LRRC42: variants seen among roughly 807,000 people sequenced by gnomAD.
The protein encoded by LRRC42 is leucine rich repeat containing 42, also known as leucine-rich repeat-containing protein 42.
In LRRC42, 43 loss-of-function variants were observed where a neutral mutation model predicts 44.3. The observed-to-expected ratio is 0.97, with a 90% CI of 0.76 to 1.25. The LOEUF (loss-of-function observed/expected upper bound fraction) is 1.25, where lower values mean the gene tolerates loss of function less well. LRRC42 is among the 50% of genes most tolerant of loss of function. The pLI is 0.00. For missense variants in LRRC42, 540 were observed against 509.1 expected (o/e 1.06, Z -0.58); for synonymous variants, 207 against 195.2 (o/e 1.06, Z -0.50).
chr1:53,951,143 G>GA (rs762817401), intron 2 of LRRC42, among the ~76,000 whole-genome samples: 4 of 152,162 alleles, frequency 2.6e-5, no homozygotes. Context: ...GAAGTGTGTG[G>GA]AATGTGTCAA....
intron 2 of LRRC42, among the ~76,000 whole-genome samples, chr1:53,948,243 C>T (rs768835496): frequency 2.6e-5 from 4 of 152,162 alleles, no homozygotes; most frequent in Non-Finnish European, 4.4e-5. Context: ...TCAAATTAGC[C>T]GTAGATTCAG....
chr1:53,966,220 AAG>A (rs1262292903), intron 7 of LRRC42, 74 bp from the exon 8 acceptor site: 4 of 1,207,312 alleles, frequency 3.3e-6, no homozygotes, highest in East Asian at 4.7e-5. Context: ...GAGAGGGAAA[AAG>A]GGGGAACAAG....
At chr1:53,964,400 G>A (rs987775627) in intron 7 of LRRC42, among the ~76,000 whole-genome samples, 1 of 152,072 alleles carries the variant, frequency 6.6e-6, no homozygotes, top group African/African-American at 2.4e-5. Context: ...TCCTCTCTCA[G>A]ACACTAGACT....
At position 53,952,814 on chromosome 1, in the gene LRRC42, T is replaced by A. The variant is rs926487734; in HGVS notation, c.473+342T>A. 7.2e-5 allele frequency among the ~76,000 whole-genome samples: 11 copies of A among 152,360 alleles called. No homozygotes were observed. In the East Asian group the frequency reaches 1.9e-3, roughly 27 times the overall value. On this transcript the variant is annotated intron_variant, in intron 3 of 8. Transcript: ENST00000371370. ...ACGCTCTTACAGATGGGGAGATTAG[T>A]ACCCAGAGTTTTTGGGCCTGTTTTT...
chr1:53,961,148 G>A (rs963904413), intron 5 of LRRC42, among the ~76,000 whole-genome samples: 7 of 152,144 alleles, frequency 4.6e-5, no homozygotes, highest in African/African-American at 9.7e-5. Context: ...GGTGGCTCAC[G>A]CCTGTAATCC....
Position 53,958,214 on chromosome 1 carries a change from T to C in LRRC42, c.539T>C (p.Leu180Pro). ...KSFRELTCLDLSCCKLGDEHE... is the reference protein window; with the variant it reads ...KSFRELTCLDPSCCKLGDEHE... ...TTCCGGGAGCTGACCTGCCTGGATC[T>C]TTCCTGTTGCAAGCTTGGAGATGAG... Residue 180 changes from leucine to proline, a missense_variant, in exon 4 of 9, where the codon CTT becomes CCT. Physicochemically the swap from Leu to Pro is moderately conservative, Grantham distance 98. Coordinates refer to ENST00000371370, the MANE Select transcript of LRRC42 (RefSeq NM_001256409.2). 6.2e-7 allele frequency: 1 copy of C among 1,613,950 alleles called. No individual in the cohort carries two copies. The highest frequency in any genetic ancestry group is 8.5e-7 in the Non-Finnish European group (1 of 1,179,856).
At chr1:53,960,757 T>A (rs1654974051) in intron 5 of LRRC42, among the ~76,000 whole-genome samples, 1 of 152,204 alleles carries the variant, frequency 6.6e-6, no homozygotes, top group South Asian at 2.1e-4. Context: ...ATTCATTGCA[T>A]ACTTAAAGGA....
chr1:53,958,208 T>C lies in LRRC42; in HGVS notation c.533T>C (p.Leu178Pro). 1 of 1,613,936 alleles carries C rather than the reference T, an allele frequency of 6.2e-7. No homozygotes were observed. The highest frequency in any genetic ancestry group is 1.3e-5 in the African/African-American group (1 of 75,056). Residue 178 changes from leucine to proline, a missense_variant, in exon 4 of 9, where the codon CTG becomes CCG. Transcript: ENST00000371370. ...EIKSFRELTC[L>P]DLSCCKLGDE... is the part of the protein sequence containing the mutation. ...AAGTCTTTCCGGGAGCTGACCTGCC[T>C]GGATCTTTCCTGTTGCAAGCTTGGA...
rs1655025378 is a variant in LRRC42 at position 53,962,517 on chromosome 1, A to G, written c.927+108A>G. 4.1e-6 allele frequency: 3 copies of G among 725,390 alleles called. No homozygotes were observed. The South Asian group carries it at 5.1e-5, about 12-fold the overall frequency. The allele number at this position is 725,390 out of a possible 1,614,324, so 44.9% of individuals were successfully genotyped here. A position where few individuals can be genotyped will look rare whatever the true frequency, so the allele number is the denominator to read the frequency against. Reference sequence around the variant, plus strand: ...GTAATCCACTTGGTAGTCCTTGGTTAAATTGTCATCTTCATGTCAAATTGG... The same window carrying G: ...GTAATCCACTTGGTAGTCCTTGGTTGAATTGTCATCTTCATGTCAAATTGG... On this transcript the variant is annotated intron_variant, in intron 7 of 8. Coordinates refer to ENST00000371370, the MANE Select transcript of LRRC42 (RefSeq NM_001256409.2).
chr1:53,958,157 T>C lies in LRRC42; in HGVS notation c.482T>C (p.Val161Ala). 1 of 1,613,822 alleles carries C rather than the reference T, an allele frequency of 6.2e-7. No individual in the cohort carries two copies. The highest frequency in any genetic ancestry group is 8.5e-7 in the Non-Finnish European group (1 of 1,179,808). ...CTCTCCACGCTCCGTAGGTATCTCG[T>C]GATTTCAGAAAAGCTTGAGGAGATT... ...CSLCLRNRYL[V>A]ISEKLEEIKS... Residue 161 changes from valine (V) to alanine (A), a missense_variant, in exon 4 of 9, where the codon GTG (valine) becomes GCG (alanine). By Grantham distance (64) the Val-to-Ala change is moderately conservative (BLOSUM62 0). Coordinates refer to ENST00000371370, the MANE Select transcript of LRRC42 (RefSeq NM_001256409.2).
chr1:53,966,397 C>T lies in LRRC42; in HGVS notation c.1012+17C>T. 2.5e-6 allele frequency: 4 copies of T among 1,602,516 alleles called. No homozygotes were observed. Among genetic ancestry groups the T allele is most frequent in the Non-Finnish European group, 3.4e-6 (4 of 1,169,870 alleles). ...AGCGCTTCTGTGAGAAATTCCCTTT[C>T]CTTTGAAGTTTTTTGCCCTTTATTT... On this transcript the variant is annotated intron_variant, in intron 8 of 8. Coordinates refer to ENST00000371370, the MANE Select transcript of LRRC42 (RefSeq NM_001256409.2).
intron 7 of LRRC42, among the ~76,000 whole-genome samples, chr1:53,963,225 G>C (rs1655041999): frequency 6.6e-6 from 1 of 152,204 alleles, no homozygotes; most frequent in African/African-American, 2.4e-5. Context: ...CAGGGAGACT[G>C]CTGAGTCGTG....
chr1:53,963,201 T>G (rs927107263), intron 7 of LRRC42, among the ~76,000 whole-genome samples: 21 of 152,154 alleles, frequency 1.4e-4, no homozygotes, highest in African/African-American at 5.1e-4. Context: ...TAGCGTCACC[T>G]CTCCACAGGT....
At position 53,967,944 on chromosome 1, in the gene LRRC42, T is replaced by C. The variant is rs1655175714; in HGVS notation, c.*5T>C. 1 of 1,608,090 alleles carries C rather than the reference T, an allele frequency of 6.2e-7. No individual in the cohort carries two copies. Among genetic ancestry groups the C allele is most frequent in the East Asian group, 2.2e-5 (1 of 44,758 alleles). On this transcript the variant is annotated 3_prime_UTR_variant, in exon 9 of 9. Coordinates refer to ENST00000371370, the MANE Select transcript of LRRC42 (RefSeq NM_001256409.2). ...GACTTGTTAAATTCCTATTGATTAG[T>C]AGATACAAGTTGACCTTTCTCTGGC...
chr1:53,956,741 A>G (rs1380595022), intron 3 of LRRC42, among the ~76,000 whole-genome samples: 2 of 152,154 alleles, frequency 1.3e-5, no homozygotes, highest in African/African-American at 4.8e-5. Context: ...GAGTTTCGTA[A>G]TGTTTCTTAA....
intron 3 of LRRC42, among the ~76,000 whole-genome samples, chr1:53,956,650 A>G (rs1385890907): frequency 6.6e-6 from 1 of 152,204 alleles, no homozygotes; most frequent in Non-Finnish European, 1.5e-5. Flanking sequence ...ACTGGTTGCA[A>G]GCAAGAACCT....
At chr1:53,948,429 C>T (rs1244662084) in intron 2 of LRRC42, among the ~76,000 whole-genome samples, 3 of 152,198 alleles carry the variant, frequency 2.0e-5, no homozygotes, top group Non-Finnish European at 4.4e-5. Flanking sequence ...TAATGTAATA[C>T]AGCTGTGTTT....
At chr1:53,953,518 G>C (rs946294912) in intron 3 of LRRC42, among the ~76,000 whole-genome samples, 6 of 152,008 alleles carry the variant, frequency 3.9e-5, no homozygotes, top group African/African-American at 9.7e-5. Flanking sequence ...ATGCCACCAT[G>C]CCCAGCTAAT....
chr1:53,961,277 G>A (rs1445997901), intron 5 of LRRC42, among the ~76,000 whole-genome samples: 2 of 152,118 alleles, frequency 1.3e-5, no homozygotes, highest in African/African-American at 4.8e-5. Context: ...TGGGCGTGGT[G>A]GCCGGCACCT....
Sources: allele counts gnomAD v4.1 joint callset (sites outside exome capture counted in the v4.1 genomes callset), GRCh38; gene constraint gnomAD v4.1.1; transcripts MANE v1.5; gene names NCBI Gene and HGNC (gene_info 2026-07-23, HGNC 2026-07-21).